Variants in GRID2IP observed in about 807,000 individuals in gnomAD.
GRID2IP encodes Grid2 interacting protein.
GRID2IP carries 78 observed loss-of-function variants against 114.3 expected under a neutral mutation model. The observed-to-expected ratio is 0.68, with a 90% CI of 0.57 to 0.82. GRID2IP has a LOEUF of 0.82. Among genes scored for constraint, GRID2IP ranks in the 40% least tolerant of loss-of-function variants. The pLI is 0.00. For synonymous variants in GRID2IP, 809 were observed against 724.0 expected (o/e 1.12, Z -1.89); for missense variants, 1,727 against 1,678.5 (o/e 1.03, Z -0.51).
rs1234729968 is a variant in GRID2IP at position 6,551,074 on chromosome 7, G to T, written c.363C>A (p.Ala121=). 4 of 1,309,626 alleles carry T rather than the reference G, an allele frequency of 3.1e-6. No individual in the cohort carries two copies. The highest frequency in any genetic ancestry group is 3.9e-6 in the Non-Finnish European group (4 of 1,033,090). The allele number at this position is 1,309,626 out of a possible 1,614,324, so 81.1% of individuals were successfully genotyped here. A position where few individuals can be genotyped will look rare whatever the true frequency, so the allele number is the denominator to read the frequency against. The change falls in exon 1 of 22, where the codon GCC becomes GCA. Residue 121 remains alanine (A), a synonymous_variant. Transcript: ENST00000457091. ...GCACCGCGTCCGGGCGCTTGCGGCCGGCCAGGCGAAGCAGCTCACGGCCCA... is the reference window on the plus strand; with the variant it reads ...GCACCGCGTCCGGGCGCTTGCGGCCTGCCAGGCGAAGCAGCTCACGGCCCA... ...LALGRELLRL[A]GRKRPDAVHR...
chr7:6,524,761 G>A (rs938062855), intron 4 of GRID2IP, among the ~76,000 whole-genome samples: 4 of 151,506 alleles, frequency 2.6e-5, no homozygotes. Context: ...CTGTCGCCCA[G>A]GCTGGAGTGC....
Position 6,504,834 on chromosome 7 carries a change from T to C in GRID2IP, c.2669A>G (p.Glu890Gly). 6.4e-7 allele frequency: 1 copy of C among 1,551,358 alleles called. No homozygotes were observed. The highest frequency in any genetic ancestry group is 8.7e-7 in the Non-Finnish European group (1 of 1,146,840). Residue 890 changes from glutamate to glycine, a missense_variant, in exon 15 of 22, where the codon GAG becomes GGG. Physicochemically the swap from Glu to Gly is moderately conservative, Grantham distance 98 (BLOSUM62 -2). Transcript: ENST00000457091. ...VPGPEPFRKK[E>G]VVEILSHKKA... ...CTTATGGGACAGGATCTCCACCACC[T>C]CCTTCTTCCGGAAGGGCTCCGGCCC...
At chr7:6,537,546 T>A (rs1266178384) in intron 2 of GRID2IP, among the ~76,000 whole-genome samples, 3 of 150,532 alleles carry the variant, frequency 2.0e-5, no homozygotes, top group African/African-American at 7.3e-5. Context: ...ACCTGCTAAT[T>A]TTTTGTATTT....
chr7:6,517,903 AAAATAAATAAAT>A lies in GRID2IP; in HGVS notation c.1268+2663_1268+2674del, dbSNP rs201670978. On this transcript the variant is annotated intron_variant, in intron 7 of 21. Transcript: ENST00000457091. ...GGGCGACAGAGCAAAACTCTGCTTC[AAAATAAATAAAT>A]AAATAAATAAATAAATAAAATAAAA... Among the ~76,000 whole-genome samples, 120 of 149,798 alleles carry A rather than the reference AAAATAAATAAAT, an allele frequency of 8.0e-4. 1 individual carries two copies. The South Asian group carries it at 0.022, about 27-fold the overall frequency.
At chr7:6,545,914 A>G (rs1289735263) in intron 1 of GRID2IP, among the ~76,000 whole-genome samples, 2 of 152,082 alleles carry the variant, frequency 1.3e-5, no homozygotes, top group African/African-American at 4.8e-5. Context: ...AGCAACCTCA[A>G]TTCAAAGGAG....
rs1249621081 is a variant in GRID2IP at position 6,534,906 on chromosome 7, A to G, written c.584+4812T>C. Among the ~76,000 whole-genome samples the G allele has an allele frequency of 6.6e-6, 1 of 151,666 alleles. No homozygotes were observed. The highest frequency in any genetic ancestry group is 6.6e-5 in the Admixed American group (1 of 15,206). ...AATTTATTTATTTATTTATTTTGAG[A>G]TAGAGTTTCACTCCTGTTGCCCAGG... On this transcript the variant is annotated intron_variant, in intron 2 of 21. Coordinates refer to ENST00000457091, the MANE Select transcript of GRID2IP (RefSeq NM_001145118.2). The surrounding 1 kb of genome is among the most constrained non-coding windows in gnomAD (Gnocchi z 4.5).
chr7:6,519,208 GT>G lies in GRID2IP; in HGVS notation c.1268+1369del, dbSNP rs1343987316. On this transcript the variant is annotated intron_variant, in intron 7 of 21. Transcript: ENST00000457091. The surrounding 1 kb of genome is among the most constrained non-coding windows in gnomAD (Gnocchi z 4.1). Reference sequence around the variant, plus strand: ...CTGGGATTATAGGTGTCTGGCCTGGGTTTCTTTTTGATGTGATGAAGTTTTA... The same window carrying G: ...CTGGGATTATAGGTGTCTGGCCTGGGTTCTTTTTGATGTGATGAAGTTTTA... Among the ~76,000 whole-genome samples the G allele has an allele frequency of 2.6e-5, 4 of 152,166 alleles. No homozygotes were observed. Among genetic ancestry groups the G allele is most frequent in the Admixed American group, 6.6e-5 (1 of 15,264 alleles).
intron 4 of GRID2IP, among the ~76,000 whole-genome samples, chr7:6,525,710 C>A (rs1008777509): frequency 6.6e-6 from 1 of 152,138 alleles, no homozygotes; most frequent in Non-Finnish European, 1.5e-5. Context: ...GGGAGGAGAG[C>A]GAAGTCCATA....
chr7:6,550,980 GC>G, intron 1 of GRID2IP, 27 bp downstream of exon 1: 2 of 550,060 alleles, frequency 3.6e-6, no homozygotes, highest in East Asian at 1.3e-4. Context: ...CCTCCTTCCC[GC>G]CCCCACCTCC....
chr7:6,524,719 C>A (rs1779476007), intron 4 of GRID2IP, among the ~76,000 whole-genome samples: 1 of 151,232 alleles, frequency 6.6e-6, no homozygotes, highest in Non-Finnish European at 1.5e-5. Context: ...GACCTCATCT[C>A]TCGTTTGTTT....
intron 4 of GRID2IP, among the ~76,000 whole-genome samples, chr7:6,524,338 C>T (rs1054483886): frequency 6.6e-6 from 1 of 152,178 alleles, no homozygotes; most frequent in Non-Finnish European, 1.5e-5. Context: ...AGATGTGTAA[C>T]CAGGAGCATT....
intron 15 of GRID2IP, among the ~76,000 whole-genome samples, chr7:6,503,956 G>A (rs1449362794): frequency 6.7e-6 from 1 of 149,900 alleles, no homozygotes; most frequent in Non-Finnish European, 1.5e-5. Flanking sequence ...GCCGCTCGGT[G>A]AGCAGGGGCC....
rs1253156565 is a variant in GRID2IP at position 6,526,798 on chromosome 7, G to T, written c.585-29C>A. On this transcript the variant is annotated intron_variant, in intron 2 of 21. Coordinates refer to ENST00000457091, the MANE Select transcript of GRID2IP (RefSeq NM_001145118.2). This position sits in a 1 kb window ranked among gnomAD's most constrained non-coding sequence, Gnocchi z 7.6. ...CCGGCGAGGACGGCGGAGTCGGGGC[G>T]CGTTCCCGGACCCCGGATCTCTGCA... 1 of 1,483,292 alleles carries T rather than the reference G, an allele frequency of 6.7e-7. No individual in the cohort carries two copies. The allele number at this position is 1,483,292 out of a possible 1,614,324, so 91.9% of individuals were successfully genotyped here. A position where few individuals can be genotyped will look rare whatever the true frequency, so the allele number is the denominator to read the frequency against.
Position 6,508,671 on chromosome 7 carries a change from C to G in GRID2IP, c.2128-270G>C, listed in dbSNP as rs1786668423. Among the ~76,000 whole-genome samples the G allele has an allele frequency of 6.6e-6, 1 of 151,954 alleles. No homozygotes were observed. The highest frequency in any genetic ancestry group is 1.5e-5 in the Non-Finnish European group (1 of 67,962). Reference sequence around the variant, plus strand: ...GGATAGCCTGGAATAAGGACAGGACCCTGTCACGGGTTAGCCTCAGGCTGT... The same window carrying G: ...GGATAGCCTGGAATAAGGACAGGACGCTGTCACGGGTTAGCCTCAGGCTGT... On this transcript the variant is annotated intron_variant, in intron 12 of 21. Transcript: ENST00000457091. The surrounding 1 kb of genome is among the most constrained non-coding windows in gnomAD (Gnocchi z 5.6).
rs1281225472 is a variant in GRID2IP, at chr7:6,519,435, G to A, written c.1268+1143C>T. 6.6e-6 allele frequency among the ~76,000 whole-genome samples: 1 copy of A among 152,090 alleles called. No individual in the cohort carries two copies. The highest frequency in any genetic ancestry group is 2.4e-5 in the African/African-American group (1 of 41,436). On this transcript the variant is annotated intron_variant, in intron 7 of 21. Coordinates refer to ENST00000457091, the MANE Select transcript of GRID2IP (RefSeq NM_001145118.2). The surrounding 1 kb of genome is among the most constrained non-coding windows in gnomAD (Gnocchi z 4.1). ...GTTCGAGACCAGCCTGGGTAACATA[G>A]TGAGACCTCCCCATCTTTTTTAAAA...
At chr7:6,499,912 G>T (rs1786364779) in intron 20 of GRID2IP, among the ~76,000 whole-genome samples, 1 of 151,638 alleles carries the variant, frequency 6.6e-6, no homozygotes, top group African/African-American at 2.4e-5. Flanking sequence ...AAATTATTCT[G>T]TAGAGACGCG....
chr7:6,514,728 G>T (rs1779259744), intron 7 of GRID2IP, among the ~76,000 whole-genome samples, 199 bp from the exon 8 acceptor site: 1 of 151,994 alleles, frequency 6.6e-6, no homozygotes, highest in African/African-American at 2.4e-5. Context: ...GAGGCAGGTG[G>T]ATCATTTGAG....
At chr7:6,548,145 G>T (rs144855037) in intron 1 of GRID2IP, among the ~76,000 whole-genome samples, 1 of 152,136 alleles carries the variant, frequency 6.6e-6, no homozygotes, top group Non-Finnish European at 1.5e-5. Flanking sequence ...CTGAGGTCAG[G>T]AGTTCAAGAC....
rs541589372 is a variant in GRID2IP at position 6,542,322 on chromosome 7, A to G, written c.430-2450T>C. Among the ~76,000 whole-genome samples the G allele has an allele frequency of 1.3e-3, 197 of 151,056 alleles. 2 individuals carry two copies. The highest frequency in any genetic ancestry group is 4.4e-3 in the African/African-American group (183 of 41,260). On this transcript the variant is annotated intron_variant, in intron 1 of 21. Transcript: ENST00000457091. ...ACTCCATCTCAAAAAAAAAAAAAAA[A>G]AAAAGAAAAAAGAAAATCCCAAAGT...
Sources: gnomAD v4.1 joint callset for allele counts (sites outside exome capture counted in the v4.1 genomes callset) on GRCh38, gnomAD v4.1.1 for gene constraint, Gnocchi (gnomAD v3.1) non-coding constraint, MANE v1.5 for transcripts, NCBI Gene and HGNC (gene_info 2026-07-23, HGNC 2026-07-21) for gene names.